The following BCKDHB variants were observed in gnomAD, a reference collection of about 807,000 sequenced individuals.
The protein encoded by BCKDHB is 2-oxoisovalerate dehydrogenase subunit beta, mitochondrial.
BCKDHB carries 41 observed loss-of-function variants against 48.5 expected under a neutral mutation model. The observed-to-expected ratio is 0.85, with a 90% CI of 0.66 to 1.10. The LOEUF (loss-of-function observed/expected upper bound fraction) is 1.10, where lower values mean the gene tolerates loss of function less well. Among genes scored for constraint, BCKDHB ranks in the 50% least tolerant of loss-of-function variants. BCKDHB has a pLI of 0.00. For synonymous variants in BCKDHB, 201 were observed against 174.8 expected (o/e 1.15, Z -1.18); for missense variants, 496 against 494.2 (o/e 1.00, Z -0.03).
the BCKDHB span, among the ~76,000 whole-genome samples, chr6:80,387,073 C>G: frequency 6.6e-6 from 1 of 152,284 alleles, no homozygotes; most frequent in East Asian, 1.9e-4. Flanking sequence ...ACTGGACATG[C>G]TCTGAGCTGA....
intron 8 of BCKDHB, among the ~76,000 whole-genome samples, chr6:80,225,067 C>T (rs908026524): frequency 6.6e-6 from 1 of 152,162 alleles, no homozygotes; most frequent in African/African-American, 2.4e-5. Context: ...TTTGAATATT[C>T]GAAGACAGCC....
At chr6:80,148,399 T>G (rs1206830380) in intron 3 of BCKDHB, among the ~76,000 whole-genome samples, 1 of 152,138 alleles carries the variant, frequency 6.6e-6, no homozygotes, top group Non-Finnish European at 1.5e-5. Flanking sequence ...ACTTTTGAGC[T>G]CTTTCTCTTA....
the BCKDHB span, among the ~76,000 whole-genome samples, chr6:80,370,774 AGCGTGTGTGTGTATATATAGC>A: frequency 6.6e-5 from 3 of 45,232 alleles, no homozygotes; most frequent in East Asian, 1.1e-3. Flanking sequence ...GTGTATATAT[AGCGTGTGTGTGTATATATAGC>A]GTGTGTGTGT....
chr6:80,332,341 G>T (rs1362761726), intron 9 of BCKDHB, among the ~76,000 whole-genome samples: 1 of 152,050 alleles, frequency 6.6e-6, no homozygotes, highest in Non-Finnish European at 1.5e-5. Context: ...GGCTTGTTCT[G>T]GTATGTGTTG....
chr6:80,287,784 T>G (rs773176542), intron 9 of BCKDHB, among the ~76,000 whole-genome samples: 2 of 152,194 alleles, frequency 1.3e-5, no homozygotes, highest in Non-Finnish European at 2.9e-5. Flanking sequence ...GCACTTAGTC[T>G]GCTGAGGGCA....
At chr6:80,412,146 AT>A in the BCKDHB span, among the ~76,000 whole-genome samples, 6,824 of 137,040 alleles carry the variant, frequency 0.05, 492 homozygotes, top group African/African-American at 0.17. Context: ...CACAGTTTAC[AT>A]TTTTTTTTTT....
In BCKDHB at chr6:80,329,110, G is replaced by GA. The variant is rs1582577224; in HGVS notation, c.1039-14548dup. Among the ~76,000 whole-genome samples the GA allele has an allele frequency of 2.6e-5, 4 of 152,076 alleles. No individual in the cohort carries two copies. In the East Asian group the frequency reaches 5.8e-4, roughly 22 times the overall value. On this transcript the variant is annotated intron_variant, in intron 9 of 9. Coordinates refer to ENST00000320393, the MANE Select transcript of BCKDHB (RefSeq NM_183050.4). ...ATAAATATATTAGATTACTAGAAGA[G>GA]AAAAAATACTTGAATAGTAGCCAAG...
At chr6:80,269,985 G>A (rs1421530485) in intron 8 of BCKDHB, among the ~76,000 whole-genome samples, 1 of 151,994 alleles carries the variant, frequency 6.6e-6, no homozygotes, top group Admixed American at 6.6e-5. Flanking sequence ...ACTTTAATCA[G>A]AATATCTAAT....
chr6:80,370,842 G>GTT, the BCKDHB span, among the ~76,000 whole-genome samples: 9 of 151,382 alleles, frequency 5.9e-5, no homozygotes, highest in African/African-American at 2.2e-4. Context: ...GTGTGTGTTT[G>GTT]TGTGTGTGTA....
chr6:80,390,274 A>G, the BCKDHB span, among the ~76,000 whole-genome samples: 1 of 151,976 alleles, frequency 6.6e-6, no homozygotes, highest in Non-Finnish European at 1.5e-5. Flanking sequence ...TCCAGGCAGG[A>G]CTACAAATGG....
intron 8 of BCKDHB, among the ~76,000 whole-genome samples, chr6:80,221,023 G>A (rs774570228): frequency 1.3e-5 from 2 of 151,970 alleles, no homozygotes; most frequent in South Asian, 2.1e-4. Flanking sequence ...GTGAGCCACC[G>A]CACCTGGCTA....
intron 3 of BCKDHB, among the ~76,000 whole-genome samples, chr6:80,150,109 G>C (rs1340881735): frequency 1.3e-5 from 2 of 151,938 alleles, no homozygotes; most frequent in Non-Finnish European, 2.9e-5. Context: ...AGTCTTCTCT[G>C]CCTGTCTGCC....
the BCKDHB span, chr6:80,374,429 A>G: frequency 9.1e-6 from 7 of 771,128 alleles, no homozygotes; most frequent in East Asian, 1.7e-4. Flanking sequence ...CATCTTTCAG[A>G]TATTTTGTGG....
intron 8 of BCKDHB, among the ~76,000 whole-genome samples, chr6:80,208,287 T>C (rs1774761619): frequency 6.6e-6 from 1 of 151,750 alleles, no homozygotes; most frequent in Non-Finnish European, 1.5e-5. Context: ...TGAATGTTAA[T>C]GAAGATAGAA....
rs537017940 is a variant in BCKDHB at position 80,165,403 on chromosome 6, A to G, written c.344-2275A>G. ...TTTTTGCAGCTGCTTATAGCCTGGC[A>G]AACTACAGGATGTGTCTGGTCGGCA... On this transcript the variant is annotated intron_variant, in intron 3 of 9. Transcript: ENST00000320393. 7.2e-5 allele frequency among the ~76,000 whole-genome samples: 11 copies of G among 152,336 alleles called. 1 individual carries two copies. Among genetic ancestry groups the G allele is most frequent in the African/African-American group, 2.6e-4 (11 of 41,578 alleles).
chr6:80,206,089 AAGT>A (rs1426353435), intron 8 of BCKDHB, among the ~76,000 whole-genome samples: 4 of 152,026 alleles, frequency 2.6e-5, no homozygotes, highest in Non-Finnish European at 5.9e-5. Context: ...GGTGAAAGGT[AAGT>A]AGAAAATATC....
At chr6:80,407,020 G>A in the BCKDHB span, among the ~76,000 whole-genome samples, 1 of 152,060 alleles carries the variant, frequency 6.6e-6, no homozygotes, top group Non-Finnish European at 1.5e-5. Flanking sequence ...TCCATCTTGA[G>A]TTAATTTTTG....
rs1770056327 is a variant in BCKDHB at position 80,344,009 on chromosome 6, T to C, written c.*205T>C. 6.4e-6 allele frequency: 4 copies of C among 624,656 alleles called. No homozygotes were observed. Among genetic ancestry groups the C allele is most frequent in the Non-Finnish European group, 1.1e-5 (4 of 360,818 alleles). 38.7% of individuals were successfully genotyped at this position (624,656 alleles called of 1,614,324 possible). ...TAGTATATTTACATTTTTGTTGTTG[T>C]TGTTGTTCTGAGATGGAGTCTCACT... is the stretch of plus-strand genomic sequence containing the variant. On this transcript the variant is annotated 3_prime_UTR_variant, in exon 10 of 10. Transcript: ENST00000320393.
At chr6:80,292,578 C>T (rs999462300) in intron 9 of BCKDHB, among the ~76,000 whole-genome samples, 1 of 152,122 alleles carries the variant, frequency 6.6e-6, no homozygotes, top group Non-Finnish European at 1.5e-5. Context: ...TGAGTGGGGG[C>T]ACAGCCAAAC....
Sources: allele counts gnomAD v4.1 joint callset (sites outside exome capture counted in the v4.1 genomes callset), GRCh38; gene constraint gnomAD v4.1.1; transcripts MANE v1.5; gene names NCBI Gene and HGNC (gene_info 2026-07-23, HGNC 2026-07-21).